SCLY: variants seen among roughly 807,000 people sequenced by gnomAD.
The protein encoded by SCLY is putative selenocysteine lyase.
In SCLY, 38 loss-of-function variants were observed where a neutral mutation model predicts 50.1. That is an observed-to-expected ratio of 0.76 (90% CI 0.59 to 0.99). The LOEUF (loss-of-function observed/expected upper bound fraction) is 0.99. Ranked by LOEUF, SCLY falls within the 50% of genes least tolerant of loss-of-function variation. The probability of loss-of-function intolerance (pLI) is 0.00; values close to 1 mark genes in which losing one functional copy is unlikely to be tolerated. For synonymous variants in SCLY, 243 were observed against 249.4 expected (o/e 0.97, Z 0.24); for missense variants, 600 against 620.0 (o/e 0.97, Z 0.34).
chr2:238,062,052 A>G lies in SCLY; in HGVS notation c.89+909A>G, dbSNP rs201663485. 1.2e-4 allele frequency among the ~76,000 whole-genome samples: 19 copies of G among 152,362 alleles called. No individual in the cohort carries two copies. The East Asian group carries it at 3.7e-3, about 29-fold the overall frequency. On this transcript the variant is annotated intron_variant, in intron 1 of 11. Transcript: ENST00000254663. ...TATCCCCTAGGGAATCAGTGGAGCGAGATTCCCAAGATTTTTTATTTTTTG... is the reference window on the plus strand; with the variant it reads ...TATCCCCTAGGGAATCAGTGGAGCGGGATTCCCAAGATTTTTTATTTTTTG...
chr2:238,094,541 G>A lies in SCLY; in HGVS notation c.1108+19G>A. On this transcript the variant is annotated intron_variant, in intron 10 of 11. Transcript: ENST00000254663. ...CTTCAAGGTGATGGCCCCTCACCCT[G>A]GTCTTTCCGAGTGTGAGCACAGCTC... 13 of 1,595,406 alleles carry A rather than the reference G, an allele frequency of 8.1e-6. No individual in the cohort carries two copies. Among genetic ancestry groups the A allele is most frequent in the Non-Finnish European group, 9.5e-6 (11 of 1,163,118 alleles).
chr2:238,068,136 G>A lies in SCLY; in HGVS notation c.274G>A (p.Asp92Asn), dbSNP rs1294044077. The change falls in exon 3 of 12, where the codon GAT becomes AAT. Residue 92 changes from aspartate (D) to asparagine (N), a missense_variant. By Grantham distance (23) the Asp-to-Asn change is conservative. Transcript: ENST00000254663. Reference protein sequence around the residue: ...LAKMIGGKPQDIIFTSGGTES... With the variant: ...LAKMIGGKPQNIIFTSGGTES... ...GAAGATGATAGGGGGGAAACCTCAA[G>A]ATATAATCTTCACTTCCGGGGGCAC... is the stretch of plus-strand genomic sequence containing the variant. The A allele has an allele frequency of 2.5e-6, 4 of 1,610,986 alleles. No individual in the cohort carries two copies. The highest frequency in any genetic ancestry group is 3.4e-5 in the Admixed American group (2 of 59,516).
chr2:238,076,683 G>T (rs2441680), intron 4 of SCLY, among the ~76,000 whole-genome samples: 128,199 of 149,186 alleles, frequency 0.86, 55,170 homozygotes, highest in East Asian at 0.97. Context: ...AATCCCCCTC[G>T]GTGAGAAACA....
intron 7 of SCLY, among the ~76,000 whole-genome samples, chr2:238,088,030 A>G (rs2065317714): frequency 6.6e-6 from 1 of 152,214 alleles, no homozygotes; most frequent in South Asian, 2.1e-4. Context: ...TGGGAGGTCA[A>G]GGCTGCATGA....
At chr2:238,084,892 T>C (rs1480945564) in intron 7 of SCLY, among the ~76,000 whole-genome samples, 1 of 17,150 alleles carries the variant, frequency 5.8e-5, no homozygotes. Flanking sequence ...AGACTCCATC[T>C]CAAAAAAAAA....
At chr2:238,096,647 G>A (rs1293343616) in intron 10 of SCLY, among the ~76,000 whole-genome samples, 154 bp from the exon 11 acceptor site, 1 of 152,234 alleles carries the variant, frequency 6.6e-6, no homozygotes, top group African/African-American at 2.4e-5. Context: ...CCTGCTGTGA[G>A]ATCTCTCCCC....
intron 7 of SCLY, among the ~76,000 whole-genome samples, chr2:238,085,978 A>C (rs2065293883): frequency 6.6e-6 from 1 of 152,228 alleles, no homozygotes; most frequent in Non-Finnish European, 1.5e-5. Flanking sequence ...TTAGACTTCT[A>C]AAAATGAAAG....
In SCLY at chr2:238,067,928, C is replaced by T; in HGVS notation, c.203-137C>T. The T allele has an allele frequency of 1.7e-6, 1 of 597,862 alleles. No homozygotes were observed. 37.0% of individuals were successfully genotyped at this position (597,862 alleles called of 1,614,324 possible). A position where few individuals can be genotyped will look rare whatever the true frequency, so the allele number is the denominator to read the frequency against. The stretch of plus-strand genomic sequence containing the variant: ...GTCTAGGTTGTAGCATTTTGCTGTG[C>T]TCACATTAAGGGGCCAGGTTTTGTC... On this transcript the variant is annotated intron_variant, in intron 2 of 11. Coordinates refer to ENST00000254663, the MANE Select transcript of SCLY (RefSeq NM_016510.7). The surrounding 1 kb of genome is among the most constrained non-coding windows in gnomAD (Gnocchi z 4.3).
At chr2:238,081,554 T>G in intron 4 of SCLY, 155 bp from the exon 5 acceptor site, 1 of 1,020,374 alleles carries the variant, frequency 9.8e-7, no homozygotes, top group Non-Finnish European at 1.4e-6. Context: ...TCTGGGCCAG[T>G]GATGATGGGC....
chr2:238,074,724 C>T (rs1433367788), intron 4 of SCLY, among the ~76,000 whole-genome samples: 1 of 152,092 alleles, frequency 6.6e-6, no homozygotes, highest in African/African-American at 2.4e-5. Context: ...CTCAGGTGAT[C>T]CCCCCGACTT....
chr2:238,085,737 A>G (rs1000267118), intron 7 of SCLY, among the ~76,000 whole-genome samples: 1 of 152,062 alleles, frequency 6.6e-6, no homozygotes, highest in Admixed American at 6.6e-5. Context: ...AATAAAAAGA[A>G]TGGGGTTTAA....
chr2:238,095,553 G>A (rs1367377700), intron 10 of SCLY: 1 of 152,196 alleles, frequency 6.6e-6, no homozygotes, highest in Non-Finnish European at 1.5e-5. Context: ...CCGTCATGAT[G>A]GCTGCGTTCA....
intron 7 of SCLY, among the ~76,000 whole-genome samples, chr2:238,084,946 G>GA (rs35947164): frequency 0.86 from 128,514 of 149,022 alleles, 55,557 homozygotes; most frequent in East Asian, 0.97. Flanking sequence ...TGGCAGTGAT[G>GA]GTGGCATACC....
At chr2:238,064,525 C>T in intron 2 of SCLY, 56 bp downstream of exon 2, 2 of 1,269,916 alleles carry the variant, frequency 1.6e-6, no homozygotes, top group Admixed American at 2.3e-5. Context: ...ATGGGGCGCT[C>T]TTAGAGAAAT....
Position 238,083,394 on chromosome 2 carries a change from G to C in SCLY, c.884+40G>C. The C allele has an allele frequency of 7.2e-7, 1 of 1,389,754 alleles. No homozygotes were observed. The highest frequency in any genetic ancestry group is 1.0e-6 in the Non-Finnish European group (1 of 976,244). The allele number at this position is 1,389,754 out of a possible 1,614,324, so 86.1% of individuals were successfully genotyped here. A position where few individuals can be genotyped will look rare whatever the true frequency, so the allele number is the denominator to read the frequency against. ...TAACAAAGTCTCTGACCTACTGACC[G>C]TGTCATTTGTAGAGCAGTGACATTG... On this transcript the variant is annotated intron_variant, in intron 7 of 11. Transcript: ENST00000254663. This position sits in a 1 kb window ranked among gnomAD's most constrained non-coding sequence, Gnocchi z 4.3.
chr2:238,079,068 CTTTTTTTTTTTTT>C (rs59238768), intron 4 of SCLY: 111 of 93,190 alleles, frequency 1.2e-3, no homozygotes, highest in African/African-American at 4.2e-3. Context: ...CTTTCTTTTT[CTTTTTTTTTTTTT>C]TTTTTTTTTT....
intron 11 of SCLY, 43 bp downstream of exon 11, chr2:238,096,919 C>G (rs2065443555): frequency 6.5e-7 from 1 of 1,530,422 alleles, no homozygotes; most frequent in Non-Finnish European, 8.8e-7. Context: ...TAGGGGTCCT[C>G]CGGGCACTGG....
intron 4 of SCLY, among the ~76,000 whole-genome samples, chr2:238,074,947 T>C (rs904988633): frequency 6.6e-6 from 1 of 152,216 alleles, no homozygotes; most frequent in Non-Finnish European, 1.5e-5. Flanking sequence ...TCCTGTACAA[T>C]GTTGAATAGA....
chr2:238,089,295 A>G (rs2065335258), intron 7 of SCLY, among the ~76,000 whole-genome samples: 1 of 152,166 alleles, frequency 6.6e-6, no homozygotes, highest in African/African-American at 2.4e-5. Flanking sequence ...GGAAGATTCT[A>G]CATACCAAAG....
Sources: allele counts gnomAD v4.1 joint callset (sites outside exome capture counted in the v4.1 genomes callset), GRCh38; gene constraint gnomAD v4.1.1; non-coding constraint Gnocchi (gnomAD v3.1); transcripts MANE v1.5; gene names NCBI Gene and HGNC (gene_info 2026-07-23, HGNC 2026-07-21).